The following ATP2C1 variants were observed in gnomAD, a reference collection of about 807,000 sequenced individuals.
The protein encoded by ATP2C1 is calcium-transporting ATPase type 2C member 1.
Under a neutral mutation model 120.5 loss-of-function variants are expected in ATP2C1, and 31 were observed. The observed-to-expected ratio is 0.26, with a 90% CI of 0.19 to 0.35. The LOEUF (loss-of-function observed/expected upper bound fraction) is 0.35, where lower values mean the gene tolerates loss of function less well. ATP2C1 is among the 10% of genes least tolerant of loss of function. ATP2C1 has a pLI of 1.00. For missense variants in ATP2C1, 731 were observed against 1,107.5 expected (o/e 0.66, Z 4.83); for synonymous variants, 351 against 358.7 (o/e 0.98, Z 0.24).
intron 2 of ATP2C1, among the ~76,000 whole-genome samples, chr3:130,907,633 T>C (rs1163054095): frequency 3.9e-5 from 6 of 152,202 alleles, no homozygotes; most frequent in African/African-American, 1.4e-4. Context: ...TATATGTCTT[T>C]GCTGATGTAA....
intron 2 of ATP2C1, among the ~76,000 whole-genome samples, chr3:130,918,020 G>T (rs961093813): frequency 6.6e-6 from 1 of 151,778 alleles, no homozygotes; most frequent in African/African-American, 2.4e-5. Flanking sequence ...TAAAAGAAAT[G>T]GTTCCCAAAA....
intron 1 of ATP2C1, among the ~76,000 whole-genome samples, chr3:130,871,613 T>C (rs1256623356): frequency 6.6e-6 from 1 of 152,256 alleles, no homozygotes; most frequent in East Asian, 1.9e-4. Context: ...GCTTAGAAGA[T>C]GGTAAGTCAT....
At chr3:131,000,861 G>T (rs985003066) in intron 27 of ATP2C1, among the ~76,000 whole-genome samples, 1 of 152,094 alleles carries the variant, frequency 6.6e-6, no homozygotes, top group Admixed American at 6.5e-5. Context: ...CCAATACTTC[G>T]GGAGGCTGAG....
intron 4 of ATP2C1, among the ~76,000 whole-genome samples, chr3:130,933,402 CT>C (rs1559940669): frequency 6.6e-6 from 1 of 152,054 alleles, no homozygotes; most frequent in Non-Finnish European, 1.5e-5. Context: ...TTTTTAAGAA[CT>C]TTTTTTGGTT....
chr3:130,853,127 T>G (rs2067728138), intron 1 of ATP2C1, among the ~76,000 whole-genome samples: 2 of 152,206 alleles, frequency 1.3e-5, no homozygotes, highest in South Asian at 4.1e-4. Flanking sequence ...AGAAAAAAAG[T>G]TCATATCATG....
chr3:130,932,075 T>A lies in ATP2C1; in HGVS notation c.171T>A (p.Phe57Leu). Residue 57 changes from phenylalanine (F) to leucine (L), a missense_variant, in exon 4 of 28, where the codon TTT (phenylalanine) becomes TTA (leucine). Phe to Leu is a conservative substitution (Grantham distance 22, BLOSUM62 0). Around this residue, in one of 3 missense-constraint regions of ATP2C1, gnomAD observed 571 missense variants for 845.9 expected, o/e 0.67. Transcript: ENST00000510168. ...NKCEVSHRRA[F>L]HGWNEFDISE... ...GTGAAGTTAGTCATAGGCGAGCCTT[T>A]CATGGCTGGAATGAGTTTGATATTA... 1 of 1,613,210 alleles carries A rather than the reference T, an allele frequency of 6.2e-7. No homozygotes were observed. Among genetic ancestry groups the A allele is most frequent in the Non-Finnish European group, 8.5e-7 (1 of 1,179,282 alleles).
At chr3:130,859,921 A>G (rs2067962276) in intron 1 of ATP2C1, among the ~76,000 whole-genome samples, 1 of 152,168 alleles carries the variant, frequency 6.6e-6, no homozygotes, top group South Asian at 2.1e-4. Flanking sequence ...ACAAGCATCA[A>G]AAAAATCTAG....
chr3:130,902,149 TAG>T (rs1559899697), intron 2 of ATP2C1, among the ~76,000 whole-genome samples: 1 of 152,010 alleles, frequency 6.6e-6, no homozygotes, highest in East Asian at 1.9e-4. Flanking sequence ...TTGTTAGAAT[TAG>T]ACCAGGCAGG....
chr3:130,963,674 A>C (rs1160065318), intron 12 of ATP2C1: 1 of 384,044 alleles, frequency 2.6e-6, no homozygotes, highest in Non-Finnish European at 4.9e-6. Flanking sequence ...AGGACAGTAA[A>C]CTACAGAGCT....
At chr3:131,013,171 C>G (rs1294247956) in intron 26 of ATP2C1, among the ~76,000 whole-genome samples, 3 of 152,174 alleles carry the variant, frequency 2.0e-5, no homozygotes, top group African/African-American at 7.2e-5. Flanking sequence ...TTTCAGAACT[C>G]TGGGTATTTC....
At chr3:130,958,870 A>G (rs1513267) in intron 11 of ATP2C1, among the ~76,000 whole-genome samples, 16,537 of 152,212 alleles carry the variant, frequency 0.11, 1,038 homozygotes, top group East Asian at 0.18. Context: ...ATAAAGTTTT[A>G]GGGTTTAATT....
intron 2 of ATP2C1, among the ~76,000 whole-genome samples, chr3:130,895,776 G>T (rs1271364106): frequency 1.3e-5 from 2 of 152,208 alleles, no homozygotes; most frequent in Non-Finnish European, 2.9e-5. Flanking sequence ...TTTGAAATGG[G>T]TGTTTCTTAT....
intron 20 of ATP2C1, among the ~76,000 whole-genome samples, chr3:130,983,129 C>A (rs1316014192): frequency 6.6e-6 from 1 of 152,000 alleles, no homozygotes; most frequent in Non-Finnish European, 1.5e-5. Context: ...GTTACATAAC[C>A]ATTTTCCTGT....
intron 1 of ATP2C1, among the ~76,000 whole-genome samples, chr3:130,859,046 G>C (rs1047659630): frequency 6.6e-6 from 1 of 152,174 alleles, no homozygotes; most frequent in Non-Finnish European, 1.5e-5. Context: ...TTGTGGCAAT[G>C]GTTTCTGCAT....
At chr3:131,004,288 C>T (rs552542963), downstream of ATP2C1, among the ~76,000 whole-genome samples, 51 of 152,320 alleles carry the variant, frequency 3.3e-4, no homozygotes, top group African/African-American at 1.0e-3. Context: ...CATACTAAAA[C>T]GTGGTATGGA....
intron 1 of ATP2C1, among the ~76,000 whole-genome samples, chr3:130,883,356 C>CT: frequency 6.6e-6 from 1 of 151,588 alleles, no homozygotes; most frequent in East Asian, 1.9e-4. Flanking sequence ...CTGCTCTGAT[C>CT]TTTATTACTT....
At chr3:130,938,748 C>T (rs1274710223) in intron 6 of ATP2C1, among the ~76,000 whole-genome samples, 1 of 152,206 alleles carries the variant, frequency 6.6e-6, no homozygotes, top group African/African-American at 2.4e-5. Flanking sequence ...CACTGGACCA[C>T]TAACTGGACC....
intron 8 of ATP2C1, among the ~76,000 whole-genome samples, chr3:130,943,586 C>T (rs1434850790): frequency 6.6e-6 from 1 of 152,090 alleles, no homozygotes; most frequent in Non-Finnish European, 1.5e-5. Flanking sequence ...TTATTGTTTT[C>T]CCCCTACTTG....
intron 4 of ATP2C1, among the ~76,000 whole-genome samples, chr3:130,933,251 A>T (rs998908418): frequency 2.5e-5 from 3 of 118,968 alleles, no homozygotes; most frequent in African/African-American, 8.7e-5. Context: ...AATCGTAATC[A>T]CAAAGCACTG....
Sources: gnomAD v4.1 joint callset for allele counts (sites outside exome capture counted in the v4.1 genomes callset) on GRCh38, gnomAD v4.1.1 for gene constraint, gnomAD v4.1.1 regional missense constraint, MANE v1.5 for transcripts, NCBI Gene and HGNC (gene_info 2026-07-23, HGNC 2026-07-21) for gene names.